The following HOXC6 variants were observed in gnomAD, a reference collection of about 807,000 sequenced individuals.
HOXC6 encodes homeobox C6.
In HOXC6, 10 loss-of-function variants were observed where a neutral mutation model predicts 24.0. The observed-to-expected ratio is 0.42, with a 90% confidence interval of 0.26 to 0.71. The LOEUF is 0.71. Ranked by LOEUF, HOXC6 falls within the 30% of genes least tolerant of loss-of-function variation. The pLI is 0.28. For missense variants in HOXC6, 258 were observed against 303.4 expected (o/e 0.85, Z 1.11); for synonymous variants, 123 against 128.1 (o/e 0.96, Z 0.27).
chr12:54,026,183 A>C (rs947216567), upstream of HOXC6, among the ~76,000 whole-genome samples: 1 of 152,092 alleles, frequency 6.6e-6, no homozygotes, highest in Admixed American at 6.5e-5. Context: ...CACTACCCTT[A>C]GGGCAGAAAG....
intron 1 of HOXC6, chr12:54,022,689 G>A (rs1461992470): frequency 6.6e-6 from 1 of 152,020 alleles, no homozygotes; most frequent in Non-Finnish European, 1.5e-5. Context: ...GGAGAAAGAG[G>A]GGGAAAGGAA....
At chr12:54,017,626 G>C (rs1420840450) in intron 1 of HOXC6, among the ~76,000 whole-genome samples, 1 of 151,938 alleles carries the variant, frequency 6.6e-6, no homozygotes, top group Non-Finnish European at 1.5e-5. Context: ...GTGTTGTCCT[G>C]ATGTCACTGT....
At position 54,028,556 on chromosome 12, in the gene HOXC6, G is replaced by C; in HGVS notation, c.35G>C (p.Cys12Ser). The change falls in exon 1 of 2, where the codon TGC (cysteine) becomes TCC (serine). Residue 12 changes from cysteine (C) to serine (S), a missense_variant. By Grantham distance (112) the Cys-to-Ser change is moderately radical. Transcript: ENST00000243108. ...TACTTCACTAACCCTTCCTTATCCT[G>C]CCACCTCGCCGGGGGCCAGGACGTC... ...NSYFTNPSLS[C>S]HLAGGQDVLP... is the part of the protein sequence containing the mutation. 6.2e-7 allele frequency: 1 copy of C among 1,614,082 alleles called. No homozygotes were observed. Among genetic ancestry groups the C allele is most frequent in the Non-Finnish European group, 8.5e-7 (1 of 1,180,014 alleles).
chr12:54,022,472 AG>A (rs1324044856), intron 1 of HOXC6: 1 of 152,156 alleles, frequency 6.6e-6, no homozygotes, highest in East Asian at 1.9e-4. Context: ...CATTGAAGTA[AG>A]TAATATTCTC....
intron 1 of HOXC6, among the ~76,000 whole-genome samples, chr12:54,029,152 AG>A (rs1262598044): frequency 6.6e-6 from 1 of 151,688 alleles, no homozygotes; most frequent in South Asian, 2.1e-4. Context: ...AGGCGGGCTG[AG>A]GGGGCAGGAA....
chr12:54,026,973 G>A (rs929142089), upstream of HOXC6, among the ~76,000 whole-genome samples: 5 of 140,692 alleles, frequency 3.6e-5, no homozygotes, highest in African/African-American at 1.2e-4. Context: ...GTGGGGGGGG[G>A]GGGATATGAG....
upstream of HOXC6, among the ~76,000 whole-genome samples, chr12:54,024,875 A>G (rs999664428): frequency 1.7e-4 from 26 of 152,262 alleles, no homozygotes; most frequent in African/African-American, 5.1e-4. Context: ...TCCTATAATT[A>G]GCGCTATCAA....
chr12:54,029,022 A>G, intron 1 of HOXC6, 101 bp downstream of exon 1: 2 of 1,145,822 alleles, frequency 1.7e-6, no homozygotes, highest in South Asian at 1.5e-5. Context: ...ATGGCCCCAT[A>G]AAAACAATCA....
At chr12:54,027,597 C>T (rs1439045016), upstream of HOXC6, among the ~76,000 whole-genome samples, 2 of 152,172 alleles carry the variant, frequency 1.3e-5, no homozygotes, top group Non-Finnish European at 2.9e-5. Context: ...CCCTCCGGTG[C>T]CACCTCCCTA....
At chr12:54,027,232 G>A (rs1329004512), upstream of HOXC6, among the ~76,000 whole-genome samples, 1 of 152,176 alleles carries the variant, frequency 6.6e-6, no homozygotes, top group Non-Finnish European at 1.5e-5. Flanking sequence ...AGGTTGCTGA[G>A]AGGCCCATCC....
At chr12:54,028,959 T>G (rs1185107543) in intron 1 of HOXC6, 38 bp downstream of exon 1, 1 of 1,554,980 alleles carries the variant, frequency 6.4e-7, no homozygotes, top group Non-Finnish European at 8.7e-7. Context: ...TTAAATAAAC[T>G]GAACTGGCTT....
chr12:54,017,043 G>A (rs1046119569), exon 1 of HOXC6: 6 of 152,060 alleles, frequency 3.9e-5, no homozygotes, highest in Non-Finnish European at 8.8e-5. Context: ...GCCGAAGCTG[G>A]GGGCAGCTGG....
At chr12:54,019,292 C>T (rs1940316475) in intron 1 of HOXC6, among the ~76,000 whole-genome samples, 1 of 151,876 alleles carries the variant, frequency 6.6e-6, no homozygotes, top group Non-Finnish European at 1.5e-5. Flanking sequence ...ATGGGCCCAG[C>T]CCGCCGCCTG....
At chr12:54,024,083 C>T (rs1940571673), upstream of HOXC6, among the ~76,000 whole-genome samples, 2 of 152,354 alleles carry the variant, frequency 1.3e-5, no homozygotes, top group East Asian at 1.9e-4. Flanking sequence ...CGCTCCAGAA[C>T]AGCAAAGCCT....
At chr12:54,018,400 C>T (rs1453024780) in intron 1 of HOXC6, among the ~76,000 whole-genome samples, 1 of 152,198 alleles carries the variant, frequency 6.6e-6, no homozygotes, top group Non-Finnish European at 1.5e-5. Flanking sequence ...AGGCCCAGTC[C>T]TCCTGGTAGA....
upstream of HOXC6, chr12:54,028,432 C>G: frequency 7.2e-7 from 1 of 1,389,918 alleles, no homozygotes; most frequent in Non-Finnish European, 9.9e-7. Context: ...TGGATTGGAG[C>G]CGTCCCTATA....
At chr12:54,024,348 C>T (rs1940589616), upstream of HOXC6, among the ~76,000 whole-genome samples, 1 of 152,100 alleles carries the variant, frequency 6.6e-6, no homozygotes. Context: ...CTTGGGTCCC[C>T]GAGCAGCCTC....
rs1480007528 is a variant in HOXC6, at chr12:54,019,134, A to G, written c.-193+1720A>G. ...CAGCCATCATAAAGGCCTCTGAGGT[A>G]TTCTCCCGCGGGAAGAAATGGCATT... On this transcript the variant is annotated intron_variant, in intron 1 of 2. Coordinates refer to the HOXC6 transcript ENST00000394331. Among the ~76,000 whole-genome samples, 6 of 129,180 alleles carry G rather than the reference A, an allele frequency of 4.6e-5. No individual in the cohort carries two copies. The Admixed American group carries it at 5.4e-4, about 12-fold the overall frequency. 84.7% of individuals were successfully genotyped at this position (129,180 alleles called of 152,430 possible).
At chr12:54,023,633 T>C (rs1384928456), upstream of HOXC6, among the ~76,000 whole-genome samples, 1 of 152,110 alleles carries the variant, frequency 6.6e-6, no homozygotes, top group Non-Finnish European at 1.5e-5. Flanking sequence ...TCCCTGCTGA[T>C]CCCCAGCTCC....
Sources: gnomAD v4.1 joint callset for allele counts (sites outside exome capture counted in the v4.1 genomes callset) on GRCh38, gnomAD v4.1.1 for gene constraint, MANE v1.5 for transcripts, NCBI Gene and HGNC (gene_info 2026-07-23, HGNC 2026-07-21) for gene names.